Variants in CMTM4 observed in about 807,000 individuals in gnomAD.
The protein encoded by CMTM4 is CKLF like MARVEL transmembrane domain containing 4, also known as CKLF-like MARVEL transmembrane domain-containing protein 4.
CMTM4 carries 8 observed loss-of-function variants against 19.0 expected under a neutral mutation model. That is an observed-to-expected ratio of 0.42 (90% CI 0.25 to 0.76). The LOEUF is 0.76. Among genes scored for constraint, CMTM4 ranks in the 30% least tolerant of loss-of-function variants. The pLI is 0.27. For synonymous variants in CMTM4, 106 were observed against 121.1 expected (o/e 0.88, Z 0.82); for missense variants, 228 against 290.2 (o/e 0.79, Z 1.56).
At chr16:66,671,154 G>A (rs917949140) in intron 1 of CMTM4, among the ~76,000 whole-genome samples, 3 of 152,116 alleles carry the variant, frequency 2.0e-5, no homozygotes, top group Non-Finnish European at 2.9e-5. Flanking sequence ...GCTCCTTGAC[G>A]TAAAGCAGCT....
At chr16:66,629,306 C>T (rs1188705081) in intron 2 of CMTM4, among the ~76,000 whole-genome samples, 2 of 152,190 alleles carry the variant, frequency 1.3e-5, no homozygotes, top group African/African-American at 4.8e-5. Context: ...ATCCTTTGCA[C>T]TCACTTGTGC....
the CMTM4 span, chr16:66,604,627 AGG>A: frequency 3.5e-6 from 1 of 283,890 alleles, no homozygotes; most frequent in Non-Finnish European, 4.8e-6. Flanking sequence ...CCGGGGTCCG[AGG>A]GGGAGGGGCG....
chr16:66,686,189 G>C (rs1211932653), intron 1 of CMTM4, among the ~76,000 whole-genome samples: 1 of 151,874 alleles, frequency 6.6e-6, no homozygotes, highest in Non-Finnish European at 1.5e-5. Context: ...AGGAGGTGGA[G>C]GTTGCAGTGA....
At chr16:66,632,516 A>C (rs2015893291) in intron 2 of CMTM4, among the ~76,000 whole-genome samples, 3 of 152,184 alleles carry the variant, frequency 2.0e-5, no homozygotes, top group African/African-American at 7.2e-5. Flanking sequence ...GAATTTGACA[A>C]TAAGAGATTA....
At chr16:66,639,797 C>T (rs577100873) in intron 1 of CMTM4, among the ~76,000 whole-genome samples, 2 of 151,940 alleles carry the variant, frequency 1.3e-5, no homozygotes, top group African/African-American at 4.8e-5. Context: ...GTGGGTGGAT[C>T]GCTTGAGGCC....
the CMTM4 span, chr16:66,604,879 C>T: frequency 2.1e-6 from 3 of 1,427,276 alleles, no homozygotes; most frequent in Non-Finnish European, 2.7e-6. Flanking sequence ...CCCGCGGTCC[C>T]CGGGCTCCGC....
chr16:66,685,884 A>G (rs1272976541), intron 1 of CMTM4, among the ~76,000 whole-genome samples: 1 of 152,116 alleles, frequency 6.6e-6, no homozygotes, highest in Non-Finnish European at 1.5e-5. Context: ...AGCTCAGGCA[A>G]TCTGTCCACC....
At chr16:66,681,132 G>T (rs1465564683) in intron 1 of CMTM4, among the ~76,000 whole-genome samples, 4 of 152,032 alleles carry the variant, frequency 2.6e-5, no homozygotes, top group Non-Finnish European at 4.4e-5. Flanking sequence ...GCTCACACCT[G>T]CAATCCTAGT....
In CMTM4 at chr16:66,690,142, C is replaced by T. The variant is rs577671443; in HGVS notation, c.186+6198G>A. Among the ~76,000 whole-genome samples the T allele has an allele frequency of 3.3e-5, 5 of 152,282 alleles. No homozygotes were observed. The South Asian group carries it at 1.0e-3, about 32-fold the overall frequency. The stretch of plus-strand genomic sequence containing the variant: ...GAAAATGGGACTGTTTTACAAGGAG[C>T]CACAGAATGGTGGATCTGAGAATCC... On this transcript the variant is annotated intron_variant, in intron 1 of 3. Transcript: ENST00000394106.
chr16:66,627,781 G>A (rs886682432), intron 2 of CMTM4, among the ~76,000 whole-genome samples: 1 of 152,156 alleles, frequency 6.6e-6, no homozygotes, highest in Non-Finnish European at 1.5e-5. Context: ...CAGGTGGGAC[G>A]AGAGACTGAG....
chr16:66,617,824 C>A lies in CMTM4; in HGVS notation c.*4234G>T. On this transcript the variant is annotated 3_prime_UTR_variant, in exon 4 of 4. Transcript: ENST00000394106. ...ATGTTCCTGAGCCAGATGCCAGGAGCTCACCCACAGGACGGGAAAGACCTG... is the reference window on the plus strand; with the variant it reads ...ATGTTCCTGAGCCAGATGCCAGGAGATCACCCACAGGACGGGAAAGACCTG... The A allele has an allele frequency of 3.0e-6, 3 of 995,200 alleles. No homozygotes were observed. Among genetic ancestry groups the A allele is most frequent in the Non-Finnish European group, 3.6e-6 (3 of 836,310 alleles). 61.6% of individuals were successfully genotyped at this position (995,200 alleles called of 1,614,324 possible).
At chr16:66,626,795 G>GA (rs1356807794) in intron 2 of CMTM4, among the ~76,000 whole-genome samples, 2 of 151,158 alleles carry the variant, frequency 1.3e-5, no homozygotes, top group East Asian at 3.9e-4. Flanking sequence ...GAAAAAAAAG[G>GA]AAAAAAAAGA....
At chr16:66,691,253 C>G (rs1475361098) in intron 1 of CMTM4, among the ~76,000 whole-genome samples, 1 of 152,112 alleles carries the variant, frequency 6.6e-6, no homozygotes, top group Non-Finnish European at 1.5e-5. Flanking sequence ...CCTGTAATCC[C>G]AGTTTGCGAC....
chr16:66,628,749 T>C (rs1231804673), intron 2 of CMTM4, among the ~76,000 whole-genome samples: 1 of 152,228 alleles, frequency 6.6e-6, no homozygotes, highest in Non-Finnish European at 1.5e-5. Context: ...TTCCACTTAG[T>C]ATAATGGTTC....
chr16:66,642,187 A>C (rs149677888), intron 1 of CMTM4, among the ~76,000 whole-genome samples: 1 of 152,356 alleles, frequency 6.6e-6, no homozygotes, highest in Non-Finnish European at 1.5e-5. Flanking sequence ...GCTCAGATAA[A>C]GTGATACTAG....
intron 1 of CMTM4, among the ~76,000 whole-genome samples, chr16:66,659,712 T>C (rs2016467369): frequency 6.6e-6 from 1 of 152,212 alleles, no homozygotes; most frequent in Admixed American, 6.5e-5. Context: ...CTGATAGAGA[T>C]GCATACTTCA....
chr16:66,610,236 T>C (rs2144750721), downstream of CMTM4, among the ~76,000 whole-genome samples: 1 of 152,272 alleles, frequency 6.6e-6, no homozygotes, highest in South Asian at 2.1e-4. This position sits in a 1 kb window ranked among gnomAD's most constrained non-coding sequence, Gnocchi z 4.6. Flanking sequence ...TGGGCATGGC[T>C]GAGCCTCAGG....
chr16:66,605,145 G>A, the CMTM4 span: 1 of 493,916 alleles, frequency 2.0e-6, no homozygotes, highest in Non-Finnish European at 3.4e-6. This position sits in a 1 kb window ranked among gnomAD's most constrained non-coding sequence, Gnocchi z 4.6. Context: ...CGGCGGGGCG[G>A]GGCCCGAGCC....
chr16:66,647,442 A>C (rs1378297441), intron 1 of CMTM4, among the ~76,000 whole-genome samples: 1 of 152,162 alleles, frequency 6.6e-6, no homozygotes, highest in Non-Finnish European at 1.5e-5. Context: ...TCATCTGAGA[A>C]GTCAAAAACT....
Sources: allele counts gnomAD v4.1 joint callset (sites outside exome capture counted in the v4.1 genomes callset), GRCh38; gene constraint gnomAD v4.1.1; non-coding constraint Gnocchi (gnomAD v3.1); transcripts MANE v1.5; gene names NCBI Gene and HGNC (gene_info 2026-07-23, HGNC 2026-07-21).